The following ABCC1 variants were observed in gnomAD, a reference collection of about 807,000 sequenced individuals.
ABCC1 encodes multidrug resistance-associated protein 1.
In ABCC1, 83 loss-of-function variants were observed where a neutral mutation model predicts 172.9. That is an observed-to-expected ratio of 0.48 (90% CI 0.40 to 0.58). The LOEUF is 0.58. Among genes scored for constraint, ABCC1 ranks in the 20% least tolerant of loss-of-function variants. ABCC1 has a pLI of 0.00. For synonymous variants in ABCC1, 937 were observed against 825.2 expected (o/e 1.14, Z -2.32); for missense variants, 1,817 against 2,002.7 (o/e 0.91, Z 1.77).
At chr16:16,105,773 C>T (rs1052727242) in intron 20 of ABCC1, among the ~76,000 whole-genome samples, 2 of 145,468 alleles carry the variant, frequency 1.4e-5, no homozygotes, top group African/African-American at 5.1e-5. Flanking sequence ...GTGCAGTGTG[C>T]AGTGGCGCGA....
chr16:15,981,938 C>G (rs138389281), intron 1 of ABCC1, among the ~76,000 whole-genome samples: 1 of 152,168 alleles, frequency 6.6e-6, no homozygotes, highest in Admixed American at 6.5e-5. Flanking sequence ...CTAAGTTCCA[C>G]AGCTCTTTAG....
At chr16:15,983,041 G>C (rs1043295285) in intron 1 of ABCC1, among the ~76,000 whole-genome samples, 1 of 152,070 alleles carries the variant, frequency 6.6e-6, no homozygotes, top group Admixed American at 6.6e-5. Context: ...AATAGTGCCT[G>C]AGAAATATTT....
At chr16:15,972,534 G>A (rs1458102106) in intron 1 of ABCC1, among the ~76,000 whole-genome samples, 2 of 152,082 alleles carry the variant, frequency 1.3e-5, no homozygotes, top group East Asian at 3.9e-4. Context: ...GGTAGGAAGA[G>A]GGAGGGATTG....
chr16:15,965,065 G>GGCTATTGTTT, intron 1 of ABCC1, among the ~76,000 whole-genome samples: 1 of 152,028 alleles, frequency 6.6e-6, no homozygotes, highest in African/African-American at 2.4e-5. Context: ...TAACATTTGA[G>GGCTATTGTTT]TCTTGTTCTT....
intron 5 of ABCC1, 39 bp from the exon 6 acceptor site, chr16:16,033,070 T>C (rs576556933): frequency 3.1e-6 from 5 of 1,597,252 alleles, no homozygotes; most frequent in Non-Finnish European, 4.3e-6. Flanking sequence ...AATCATTCCT[T>C]TCCCTCTTCC....
chr16:16,002,941 G>A (rs1234352834), intron 1 of ABCC1, among the ~76,000 whole-genome samples: 2 of 152,172 alleles, frequency 1.3e-5, no homozygotes, highest in Non-Finnish European at 2.9e-5. Flanking sequence ...GTAGCAATGG[G>A]GGGCTGTTAA....
At chr16:16,107,195 G>A (rs1567412704) in intron 21 of ABCC1, among the ~76,000 whole-genome samples, 2 of 152,172 alleles carry the variant, frequency 1.3e-5, no homozygotes, top group African/African-American at 2.4e-5. Flanking sequence ...TTAAATCAGG[G>A]CTTCCTGCAA....
chr16:16,035,796 A>G (rs916193142), intron 6 of ABCC1, among the ~76,000 whole-genome samples: 3 of 151,814 alleles, frequency 2.0e-5, no homozygotes, highest in Non-Finnish European at 4.4e-5. Context: ...TGCCTGGCCC[A>G]TATCAGCCTT....
rs1321556726 is a variant in ABCC1 at position 16,122,072 on chromosome 16, G to C, written c.3488G>C (p.Ser1163Thr). The C allele has an allele frequency of 7.4e-6, 12 of 1,614,092 alleles. No homozygotes were observed. Among genetic ancestry groups the C allele is most frequent in the South Asian group, 6.6e-5 (6 of 91,090 alleles). Reference protein sequence around the residue: ...SHFNETLLGVSVIRAFEEQER... With the variant: ...SHFNETLLGVTVIRAFEEQER... ...TTCAACGAGACCTTGCTGGGGGTCA[G>C]CGTCATTCGAGCCTTCGAGGAGCAG... The change falls in exon 24 of 31, where the codon AGC (serine) becomes ACC (threonine). Residue 1163 changes from serine to threonine, a missense_variant. Ser to Thr is a moderately conservative substitution (Grantham distance 58). Transcript: ENST00000399410.
intron 7 of ABCC1, 31 bp downstream of exon 7, chr16:16,036,634 G>T (rs45609533): frequency 0.012 from 19,946 of 1,608,392 alleles, 163 homozygotes; most frequent in Non-Finnish European, 0.015. Flanking sequence ...CCTCCAGGAT[G>T]CCCTGGTCAC....
chr16:16,062,369 C>T (rs1485172645), intron 12 of ABCC1, among the ~76,000 whole-genome samples: 2 of 152,032 alleles, frequency 1.3e-5, no homozygotes, highest in African/African-American at 4.8e-5. Flanking sequence ...TTTAAAGAGA[C>T]AGGGTCTTGT....
intron 1 of ABCC1, among the ~76,000 whole-genome samples, chr16:15,996,711 A>G (rs915182833): frequency 5.3e-5 from 8 of 152,060 alleles, no homozygotes; most frequent in Admixed American, 2.6e-4. Flanking sequence ...TCCAGATGGG[A>G]GCAGTAAGGG....
rs1274693345 is a variant in ABCC1, at chr16:16,033,143, C to T, written c.650C>T (p.Ser217Leu). The T allele has an allele frequency of 2.5e-5, 41 of 1,614,038 alleles. No homozygotes were observed. Among genetic ancestry groups the T allele is most frequent in the Non-Finnish European group, 3.0e-5 (35 of 1,180,028 alleles). The change falls in exon 6 of 31, where the codon TCG (serine) becomes TTG (leucine). Residue 217 changes from serine to leucine, a missense_variant. By Grantham distance (145) the Ser-to-Leu change is moderately radical (BLOSUM62 -2). Coordinates refer to ENST00000399410, the MANE Select transcript of ABCC1 (RefSeq NM_004996.4). ...CCAGAGTCCAGCGCTTCCTTCCTGT[C>T]GAGGATCACCTTCTGGTGGATCACA... Reference protein sequence around the residue: ...PCPESSASFLSRITFWWITGL... With the variant: ...PCPESSASFLLRITFWWITGL...
At chr16:15,992,155 A>G (rs1371284321) in intron 1 of ABCC1, among the ~76,000 whole-genome samples, 1 of 151,756 alleles carries the variant, frequency 6.6e-6, no homozygotes, top group Admixed American at 6.6e-5. Flanking sequence ...TTGAGAATGC[A>G]ATGCCTGATG....
At chr16:16,041,635 C>T (rs1417212525) in intron 7 of ABCC1, among the ~76,000 whole-genome samples, 2 of 152,184 alleles carry the variant, frequency 1.3e-5, no homozygotes, top group African/African-American at 2.4e-5. Flanking sequence ...TGGCCCCTTA[C>T]ACTCAGATCC....
At chr16:16,016,728 C>T in intron 5 of ABCC1, 107 bp downstream of exon 5, 1 of 1,472,828 alleles carries the variant, frequency 6.8e-7, no homozygotes, top group Admixed American at 1.9e-5. Context: ...GTTCCAGCCT[C>T]CCTCAACCCC....
chr16:16,058,108 G>A (rs1055319166), intron 12 of ABCC1, among the ~76,000 whole-genome samples: 2 of 152,074 alleles, frequency 1.3e-5, no homozygotes, highest in African/African-American at 4.8e-5. Context: ...TATGGTAATG[G>A]GTCTATCCCT....
intron 1 of ABCC1, among the ~76,000 whole-genome samples, chr16:15,997,664 T>G (rs1424462566): frequency 6.6e-6 from 1 of 152,040 alleles, no homozygotes; most frequent in Non-Finnish European, 1.5e-5. Context: ...CCTTGAGCCT[T>G]TAGGTATTGC....
At chr16:16,099,160 T>C (rs1378443308) in intron 19 of ABCC1, among the ~76,000 whole-genome samples, 5 of 152,216 alleles carry the variant, frequency 3.3e-5, no homozygotes, top group Non-Finnish European at 5.9e-5. Flanking sequence ...TACTGTTTCA[T>C]GCATCACGTT....
Sources: gnomAD v4.1 joint callset for allele counts (sites outside exome capture counted in the v4.1 genomes callset) on GRCh38, gnomAD v4.1.1 for gene constraint, MANE v1.5 for transcripts, NCBI Gene and HGNC (gene_info 2026-07-23, HGNC 2026-07-21) for gene names.